Variants in MKLN1 observed in about 807,000 individuals in gnomAD.
The protein encoded by MKLN1 is muskelin 1, also known as muskelin.
In MKLN1, 18 loss-of-function variants were observed where a neutral mutation model predicts 99.0. The observed-to-expected ratio is 0.18, with a 90% CI of 0.13 to 0.27. The LOEUF is 0.27. Among genes scored for constraint, MKLN1 ranks in the 10% least tolerant of loss-of-function variants. The probability of loss-of-function intolerance (pLI) is 1.00; values close to 1 mark genes in which losing one functional copy is unlikely to be tolerated. For missense variants in MKLN1, 621 were observed against 875.9 expected, an observed-to-expected ratio of 0.71 and a Z score of 3.67; for synonymous variants, 288 against 293.2, an observed-to-expected ratio of 0.98 and a Z score of 0.18.
chr7:131,237,089 C>T (rs1008042713), intron 3 of MKLN1, among the ~76,000 whole-genome samples: 5 of 152,142 alleles, frequency 3.3e-5, no homozygotes, highest in African/African-American at 9.7e-5. Context: ...TTGCCTATGC[C>T]TGATTTTCTC....
At chr7:131,154,688 T>C (rs1795938879) in intron 2 of MKLN1, among the ~76,000 whole-genome samples, 1 of 152,224 alleles carries the variant, frequency 6.6e-6, no homozygotes, top group Non-Finnish European at 1.5e-5. Context: ...TATATTCATA[T>C]ATACATAAAT....
At chr7:131,363,792 C>T (rs895212040) in intron 1 of MKLN1, among the ~76,000 whole-genome samples, 2 of 150,418 alleles carry the variant, frequency 1.3e-5, no homozygotes, top group Non-Finnish European at 3.0e-5. Context: ...GTGTCACCAC[C>T]CCGTTTATTT....
chr7:131,114,766 C>A (rs1363323882), intron 1 of MKLN1, among the ~76,000 whole-genome samples: 1 of 151,922 alleles, frequency 6.6e-6, no homozygotes, highest in Non-Finnish European at 1.5e-5. Flanking sequence ...GCCAATATGG[C>A]AAAACCCCAT....
rs1797567928 is a variant in MKLN1, at chr7:131,496,577, T to C, written c.*8849T>C. ...AATTATGTTGTATGTAATGTACATATGGAGAAAGAATGTATTTTGTTCATT... is the reference window on the plus strand; with the variant it reads ...AATTATGTTGTATGTAATGTACATACGGAGAAAGAATGTATTTTGTTCATT... On this transcript the variant is annotated 3_prime_UTR_variant, in exon 18 of 18. Transcript: ENST00000352689. The C allele has an allele frequency of 6.6e-6, 1 of 152,122 alleles. No individual in the cohort carries two copies. The highest frequency in any genetic ancestry group is 2.4e-5 in the African/African-American group (1 of 41,354). 9.4% of individuals were successfully genotyped at this position (152,122 alleles called of 1,614,324 possible).
intron 3 of MKLN1, among the ~76,000 whole-genome samples, chr7:131,243,439 A>G (rs1156738297): frequency 6.6e-6 from 1 of 152,226 alleles, no homozygotes; most frequent in African/African-American, 2.4e-5. Context: ...CGCTTGCAAC[A>G]CATGATTTTT....
At chr7:131,236,945 C>T (rs1376927587) in intron 3 of MKLN1, among the ~76,000 whole-genome samples, 1 of 152,104 alleles carries the variant, frequency 6.6e-6, no homozygotes, top group Non-Finnish European at 1.5e-5. Flanking sequence ...TATGATTGCA[C>T]ACCATTGCAC....
intron 6 of MKLN1, among the ~76,000 whole-genome samples, chr7:131,403,941 AAC>A (rs1484208158): frequency 6.6e-5 from 10 of 152,332 alleles, no homozygotes; most frequent in South Asian, 4.1e-4. Flanking sequence ...ATTTGTAAAA[AAC>A]ACAGTATCTG....
intron 8 of MKLN1, among the ~76,000 whole-genome samples, chr7:131,427,963 A>G (rs569890251): frequency 7.1e-4 from 108 of 152,162 alleles, no homozygotes; most frequent in Non-Finnish European, 1.3e-3. Flanking sequence ...CAGGAGTTCA[A>G]TACCATCCTG....
At chr7:131,415,794 G>C (rs1449238409) in intron 8 of MKLN1, among the ~76,000 whole-genome samples, 1 of 151,998 alleles carries the variant, frequency 6.6e-6, no homozygotes, top group Non-Finnish European at 1.5e-5. Flanking sequence ...ATACAAACTG[G>C]TTTTTTATCC....
intron 12 of MKLN1, among the ~76,000 whole-genome samples, chr7:131,452,295 C>G (rs1006457816): frequency 2.0e-5 from 3 of 152,180 alleles, no homozygotes; most frequent in African/African-American, 7.2e-5. Context: ...AAGACCTCAT[C>G]TAGCTCCAAA....
At chr7:131,153,018 C>CATATATATATAT (rs370745053) in intron 2 of MKLN1, among the ~76,000 whole-genome samples, 2 of 141,024 alleles carry the variant, frequency 1.4e-5, no homozygotes, top group African/African-American at 2.6e-5. Flanking sequence ...TAATCAGATT[C>CATATATATATAT]ATATATATAT....
intron 2 of MKLN1, among the ~76,000 whole-genome samples, chr7:131,386,369 T>C (rs189661231): frequency 4.6e-5 from 7 of 152,260 alleles, no homozygotes; most frequent in African/African-American, 1.7e-4. Flanking sequence ...TTGAGTTGAT[T>C]TTTGTGTGTG....
At chr7:131,372,928 T>G (rs945279136) in intron 1 of MKLN1, among the ~76,000 whole-genome samples, 4 of 151,930 alleles carry the variant, frequency 2.6e-5, no homozygotes, top group Non-Finnish European at 5.9e-5. Context: ...CTTTCTTTTC[T>G]TTTTTCTTTT....
At position 131,121,507 on chromosome 7, in the gene MKLN1, G is replaced by A. The variant is rs957652154; in HGVS notation, c.-419+11300G>A. Among the ~76,000 whole-genome samples the A allele has an allele frequency of 1.3e-4, 20 of 151,824 alleles. 1 individual carries two copies. Among genetic ancestry groups the A allele is most frequent in the African/African-American group, 4.1e-4 (17 of 41,402 alleles). On this transcript the variant is annotated intron_variant, in intron 1 of 7. Coordinates refer to the MKLN1 transcript ENST00000416992. The stretch of plus-strand genomic sequence containing the variant: ...CAAAAAATTAGCTGGGTGTGGTGGC[G>A]GGTGCCTGCAGTCCCAGCTACTCGG...
intron 2 of MKLN1, among the ~76,000 whole-genome samples, chr7:131,146,712 A>G (rs1335374030): frequency 1.3e-5 from 2 of 152,244 alleles, no homozygotes; most frequent in South Asian, 2.1e-4. Context: ...TGGGTGGTCT[A>G]CTGAGGACCC....
chr7:131,236,467 C>A (rs1797323048), intron 3 of MKLN1, among the ~76,000 whole-genome samples: 1 of 152,068 alleles, frequency 6.6e-6, no homozygotes, highest in Non-Finnish European at 1.5e-5. Context: ...TTGAGACCAA[C>A]CTGTCCAACA....
chr7:131,114,879 T>A (rs925102963), intron 1 of MKLN1, among the ~76,000 whole-genome samples: 1 of 151,112 alleles, frequency 6.6e-6, no homozygotes, highest in African/African-American at 2.4e-5. Context: ...GAGGTTGTGA[T>A]GAGCTGAAAT....
At chr7:131,343,958 T>C (rs1799482469) in intron 1 of MKLN1, among the ~76,000 whole-genome samples, 1 of 152,132 alleles carries the variant, frequency 6.6e-6, no homozygotes, top group Non-Finnish European at 1.5e-5. Context: ...CACATGTAAG[T>C]TTTAGAATAT....
intron 1 of MKLN1, among the ~76,000 whole-genome samples, chr7:131,121,694 T>G (rs1389219334): frequency 6.8e-6 from 1 of 147,292 alleles, no homozygotes; most frequent in East Asian, 2.0e-4. Context: ...TATGTCTTTA[T>G]AGCAATGCAA....
Sources: gnomAD v4.1 joint callset for allele counts (sites outside exome capture counted in the v4.1 genomes callset) on GRCh38, gnomAD v4.1.1 for gene constraint, MANE v1.5 for transcripts, NCBI Gene and HGNC (gene_info 2026-07-23, HGNC 2026-07-21) for gene names.